The following CDK5RAP2 variants were observed in gnomAD, a reference collection of about 807,000 sequenced individuals.
CDK5RAP2 encodes CDK5 regulatory subunit-associated protein 2.
Under a neutral mutation model 232.9 loss-of-function variants are expected in CDK5RAP2, and 147 were observed. The observed-to-expected ratio is 0.63, with a 90% CI of 0.55 to 0.72. The LOEUF is 0.72. Among genes scored for constraint, CDK5RAP2 ranks in the 30% least tolerant of loss-of-function variants. CDK5RAP2 has a pLI of 0.00. For missense variants in CDK5RAP2, 2,195 were observed against 2,231.5 expected (o/e 0.98, Z 0.33); for synonymous variants, 833 against 833.7 (o/e 1.00, Z 0.01).
chr9:120,572,002 G>A lies in CDK5RAP2; in HGVS notation c.99C>T (p.Ile33=), dbSNP rs373124406. The A allele has an allele frequency of 5.0e-6, 8 of 1,613,806 alleles. No individual in the cohort carries two copies. The African/African-American group carries it at 8.0e-5, about 16-fold the overall frequency. The change falls in exon 2 of 38, where the codon ATC becomes ATT. Residue 33 remains isoleucine, a synonymous_variant. Transcript: ENST00000349780. ...VPSVPDDLDG[I]NPNAGLGNGL... ...CATTTCCCAACCCAGCATTGGGGTTGATGCCATCCAGGTCATCTGGTACAC... is the reference window on the plus strand; with the variant it reads ...CATTTCCCAACCCAGCATTGGGGTTAATGCCATCCAGGTCATCTGGTACAC...
intron 11 of CDK5RAP2, 115 bp from the exon 12 acceptor site, chr9:120,518,760 A>C (rs1000253582): frequency 3.9e-6 from 3 of 778,114 alleles, no homozygotes; most frequent in Admixed American, 2.4e-5. Flanking sequence ...AAAGATTAAC[A>C]TAGACAACAT....
chr9:120,502,463 A>G lies in CDK5RAP2; in HGVS notation c.1312-10986T>C, dbSNP rs897392940. Among the ~76,000 whole-genome samples, 6 of 152,378 alleles carry G rather than the reference A, an allele frequency of 3.9e-5. No individual in the cohort carries two copies. In the Middle Eastern group the frequency reaches 0.014, roughly 346 times the overall value. On this transcript the variant is annotated intron_variant, in intron 12 of 37. Coordinates refer to ENST00000349780, the MANE Select transcript of CDK5RAP2 (RefSeq NM_018249.6). ...AGTTCCAGTGTATGTATGTGTATTCAGCAACCATTTATTCCATGCTCCTTT... is the reference window on the plus strand; with the variant it reads ...AGTTCCAGTGTATGTATGTGTATTCGGCAACCATTTATTCCATGCTCCTTT...
At chr9:120,493,002 A>AT (rs1487335314) in intron 12 of CDK5RAP2, among the ~76,000 whole-genome samples, 2 of 152,218 alleles carry the variant, frequency 1.3e-5, no homozygotes, top group Non-Finnish European at 2.9e-5. Context: ...GCCTTTTCCT[A>AT]TAAAAAAGAT....
chr9:120,533,171 C>T (rs1004684434), intron 7 of CDK5RAP2, among the ~76,000 whole-genome samples: 12 of 152,120 alleles, frequency 7.9e-5, no homozygotes, highest in African/African-American at 2.7e-4. Context: ...GCATCAATCA[C>T]GACATATATT....
intron 12 of CDK5RAP2, among the ~76,000 whole-genome samples, chr9:120,508,639 T>C (rs1176482344): frequency 1.3e-5 from 2 of 152,076 alleles, no homozygotes; most frequent in African/African-American, 4.8e-5. Context: ...ACCCCAAACC[T>C]TGGCACAGGC....
At chr9:120,396,700 C>A (rs2032498368) in intron 35 of CDK5RAP2, among the ~76,000 whole-genome samples, 1 of 152,224 alleles carries the variant, frequency 6.6e-6, no homozygotes, top group African/African-American at 2.4e-5. Flanking sequence ...AGAGTAGGTG[C>A]TGTGACACCA....
At position 120,403,432 on chromosome 9, in the gene CDK5RAP2, GC is replaced by G. The variant is rs2033207895; in HGVS notation, c.5042-362del. Reference sequence around the variant, plus strand: ...AGGTGCAACAGCAGAGTGATGAAGGGCCAGAGCCAGAAAAAACAATTATCTG... The same window carrying G: ...AGGTGCAACAGCAGAGTGATGAAGGGCAGAGCCAGAAAAAACAATTATCTG... On this transcript the variant is annotated intron_variant, in intron 33 of 37. Transcript: ENST00000349780. This position sits in a 1 kb window ranked among gnomAD's most constrained non-coding sequence, Gnocchi z 4.2. The G allele has an allele frequency of 3.1e-6, 1 of 320,114 alleles. No individual in the cohort carries two copies. The highest frequency in any genetic ancestry group is 7.7e-5 in the East Asian group (1 of 12,954). The allele number at this position is 320,114 out of a possible 1,614,324, so 19.8% of individuals were successfully genotyped here.
chr9:120,413,845 A>G (rs375201071), intron 28 of CDK5RAP2, among the ~76,000 whole-genome samples: 191 of 141,092 alleles, frequency 1.4e-3, no homozygotes, highest in African/African-American at 4.7e-3. Flanking sequence ...GGAGGAGGGA[A>G]GGAGGAGGGA....
intron 3 of CDK5RAP2, among the ~76,000 whole-genome samples, chr9:120,562,427 T>C (rs929972933): frequency 5.9e-5 from 9 of 152,150 alleles, no homozygotes; most frequent in Non-Finnish European, 1.2e-4. Context: ...CCAACAGCCA[T>C]GAGCCCTACT....
At chr9:120,398,930 T>C (rs980996891) in intron 35 of CDK5RAP2, among the ~76,000 whole-genome samples, 6 of 152,134 alleles carry the variant, frequency 3.9e-5, no homozygotes, top group African/African-American at 1.4e-4. Context: ...AAATCAGCAT[T>C]ACACACATTT....
chr9:120,392,449 G>A (rs897909812), intron 36 of CDK5RAP2, among the ~76,000 whole-genome samples: 1 of 152,144 alleles, frequency 6.6e-6, no homozygotes, highest in South Asian at 2.1e-4. Flanking sequence ...CCTTTTGACC[G>A]ACCACAGTAC....
chr9:120,480,709 A>T (rs377009257), intron 14 of CDK5RAP2, among the ~76,000 whole-genome samples: 56 of 152,342 alleles, frequency 3.7e-4, no homozygotes, highest in African/African-American at 1.1e-3. Flanking sequence ...AAAAGGATGC[A>T]GAGGGCAAGA....
At chr9:120,557,577 G>T (rs4837780) in intron 3 of CDK5RAP2, among the ~76,000 whole-genome samples, 5 of 151,888 alleles carry the variant, frequency 3.3e-5, no homozygotes, top group Middle Eastern at 3.4e-3. Flanking sequence ...ACAACATGGC[G>T]AAACCACTTC....
intron 20 of CDK5RAP2, among the ~76,000 whole-genome samples, chr9:120,456,103 G>C (rs1283911659): frequency 6.6e-6 from 1 of 152,178 alleles, no homozygotes; most frequent in Non-Finnish European, 1.5e-5. Flanking sequence ...TCATAAGAGG[G>C]AGTTATGAAA....
At chr9:120,454,470 A>G (rs1243638248) in intron 20 of CDK5RAP2, among the ~76,000 whole-genome samples, 1 of 152,226 alleles carries the variant, frequency 6.6e-6, no homozygotes, top group Non-Finnish European at 1.5e-5. Context: ...CAATTCTCTG[A>G]AAAGAAGATA....
At chr9:120,494,884 C>T (rs1322320741) in intron 12 of CDK5RAP2, among the ~76,000 whole-genome samples, 2 of 144,930 alleles carry the variant, frequency 1.4e-5, no homozygotes, top group African/African-American at 2.6e-5. Flanking sequence ...CGGGGCAGTG[C>T]GGAGCCAGGA....
chr9:120,490,725 G>C (rs1475418441), intron 13 of CDK5RAP2, among the ~76,000 whole-genome samples: 4 of 151,832 alleles, frequency 2.6e-5, no homozygotes, highest in Admixed American at 6.6e-5. Flanking sequence ...AAATTCTGTT[G>C]ACAACTCACA....
At chr9:120,463,606 T>G (rs1034332470) in intron 18 of CDK5RAP2, among the ~76,000 whole-genome samples, 3 of 152,214 alleles carry the variant, frequency 2.0e-5, no homozygotes, top group African/African-American at 7.2e-5. Flanking sequence ...CCTGCGGATC[T>G]GAGAAGGGTT....
At chr9:120,556,143 C>T (rs2042220054) in intron 3 of CDK5RAP2, among the ~76,000 whole-genome samples, 1 of 152,126 alleles carries the variant, frequency 6.6e-6, no homozygotes, top group Admixed American at 6.6e-5. Context: ...ACTGCACACA[C>T]ATATAAAAAA....
Sources: allele counts gnomAD v4.1 joint callset (sites outside exome capture counted in the v4.1 genomes callset), GRCh38; gene constraint gnomAD v4.1.1; non-coding constraint Gnocchi (gnomAD v3.1); transcripts MANE v1.5; gene names NCBI Gene and HGNC (gene_info 2026-07-23, HGNC 2026-07-21).